Variants in DPYS observed in about 807,000 individuals in gnomAD.
DPYS encodes dihydropyrimidinase.
A neutral mutation model predicts 50.3 loss-of-function variants in DPYS; 39 were observed. The observed-to-expected ratio is 0.78, with a 90% CI of 0.60 to 1.01. The LOEUF (loss-of-function observed/expected upper bound fraction) is 1.01. Among genes scored for constraint, DPYS ranks in the 50% least tolerant of loss-of-function variants. DPYS has a pLI of 0.00. For synonymous variants in DPYS, 245 were observed against 250.7 expected (o/e 0.98, Z 0.22); for missense variants, 659 against 680.9 (o/e 0.97, Z 0.36).
chr8:104,406,862 T>C (rs1027593623), intron 7 of DPYS, among the ~76,000 whole-genome samples: 3 of 152,186 alleles, frequency 2.0e-5, no homozygotes, highest in Non-Finnish European at 2.9e-5. Context: ...GACATCCAAG[T>C]GGATCTACTT....
intron 1 of DPYS, among the ~76,000 whole-genome samples, chr8:104,451,812 G>A (rs1813752380): frequency 6.6e-6 from 1 of 152,128 alleles, no homozygotes; most frequent in African/African-American, 2.4e-5. Flanking sequence ...CTGCCCTGTG[G>A]TACTCTCAGA....
At chr8:104,410,427 C>T (rs1457986343) in intron 7 of DPYS, among the ~76,000 whole-genome samples, 1 of 152,100 alleles carries the variant, frequency 6.6e-6, no homozygotes, top group Non-Finnish European at 1.5e-5. Context: ...CCTAGGCCAA[C>T]ACCTTTGACC....
intron 8 of DPYS, among the ~76,000 whole-genome samples, chr8:104,384,990 C>G (rs1245449020): frequency 6.6e-6 from 1 of 152,174 alleles, no homozygotes; most frequent in East Asian, 1.9e-4. Flanking sequence ...TCTTAAGCCC[C>G]CTTTCTTCTC....
At chr8:104,464,529 T>C (rs1178127555) in intron 1 of DPYS, among the ~76,000 whole-genome samples, 1 of 152,222 alleles carries the variant, frequency 6.6e-6, no homozygotes, top group Non-Finnish European at 1.5e-5. Flanking sequence ...CTCCCCACCT[T>C]GCAGGTGGGA....
chr8:104,431,716 A>C (rs1226602221), intron 4 of DPYS, among the ~76,000 whole-genome samples: 1 of 152,164 alleles, frequency 6.6e-6, no homozygotes, highest in Non-Finnish European at 1.5e-5. Flanking sequence ...AAGGCTCCCA[A>C]ATACAATCTC....
At chr8:104,428,247 T>C in intron 5 of DPYS, 126 bp from the exon 6 acceptor site, 2 of 1,269,690 alleles carry the variant, frequency 1.6e-6, no homozygotes, top group Middle Eastern at 2.2e-4. Context: ...CAATGGAGAA[T>C]GAGCAGTTTT....
chr8:104,467,016 C>G lies in DPYS; in HGVS notation c.-96G>C. On this transcript the variant is annotated 5_prime_UTR_variant, in exon 1 of 10. Transcript: ENST00000351513. Reference sequence around the variant, plus strand: ...CTTGGGGTGCCCTCCTGCAAGGTCCCCACCGACAGCCCCCGAGCTCTGCCT... The same window carrying G: ...CTTGGGGTGCCCTCCTGCAAGGTCCGCACCGACAGCCCCCGAGCTCTGCCT... 2 of 1,313,448 alleles carry G rather than the reference C, an allele frequency of 1.5e-6. No homozygotes were observed. The highest frequency in any genetic ancestry group is 2.0e-6 in the Non-Finnish European group (2 of 1,023,996). 81.4% of individuals were successfully genotyped at this position (1,313,448 alleles called of 1,614,324 possible).
Position 104,382,805 on chromosome 8 carries a change from C to T in DPYS, c.1444-1491G>A, listed in dbSNP as rs181515613. Among the ~76,000 whole-genome samples the T allele has an allele frequency of 1.1e-3, 160 of 152,214 alleles. 1 individual carries two copies. The highest frequency in any genetic ancestry group is 3.6e-3 in the African/African-American group (150 of 41,518). On this transcript the variant is annotated intron_variant, in intron 8 of 9. Transcript: ENST00000351513. ...TCTTGGCATTCATACTCAGCAAAGCCGATGGTATATTTCAGTTCAATCTTC... is the reference window on the plus strand; with the variant it reads ...TCTTGGCATTCATACTCAGCAAAGCTGATGGTATATTTCAGTTCAATCTTC...
intron 1 of DPYS, among the ~76,000 whole-genome samples, chr8:104,456,311 A>G (rs1813924677): frequency 6.6e-6 from 1 of 152,212 alleles, no homozygotes. Flanking sequence ...TATAAATTAA[A>G]TAGACAGAGC....
At chr8:104,380,315 C>G (rs1481185912) in intron 9 of DPYS, among the ~76,000 whole-genome samples, 2 of 152,228 alleles carry the variant, frequency 1.3e-5, no homozygotes, top group East Asian at 3.8e-4. Context: ...ACACAAATGT[C>G]TAACCAGGTC....
intron 4 of DPYS, among the ~76,000 whole-genome samples, chr8:104,436,965 TC>T (rs1242453428): frequency 6.6e-6 from 1 of 152,210 alleles, no homozygotes; most frequent in Non-Finnish European, 1.5e-5. Context: ...AAGAACGTTT[TC>T]TTGGAAATAG....
intron 7 of DPYS, among the ~76,000 whole-genome samples, chr8:104,401,613 T>C (rs578076447): frequency 2.6e-5 from 4 of 152,324 alleles, no homozygotes; most frequent in South Asian, 4.1e-4. Flanking sequence ...TTGGTCTGTT[T>C]TCTGTTTAGC....
rs1035845963 is a variant in DPYS at position 104,447,318 on chromosome 8, G to A, written c.603+6C>T. 13 of 1,613,984 alleles carry A rather than the reference G, an allele frequency of 8.1e-6. No individual in the cohort carries two copies. The highest frequency in any genetic ancestry group is 1.6e-4 in the Middle Eastern group (1 of 6,062). ...TCTGTAGAAGCTTTGGAATGCAAAT[G>A]CGTACCTCTGCAATTAAGTCTCCAT... On this transcript the variant is annotated splice_donor_region_variant and intron_variant, in intron 3 of 9. Transcript: ENST00000351513.
chr8:104,402,313 G>A (rs192711131), intron 7 of DPYS, among the ~76,000 whole-genome samples: 176 of 152,246 alleles, frequency 1.2e-3, no homozygotes, highest in Admixed American at 4.6e-3. Flanking sequence ...TGTTCTATAC[G>A]GTAGTTTTTA....
At chr8:104,418,994 C>T in intron 7 of DPYS, 1 of 985,332 alleles carries the variant, frequency 1.0e-6, no homozygotes, top group Non-Finnish European at 1.2e-6. Flanking sequence ...ACAAAGGTGA[C>T]TCTTTTGGCT....
intron 4 of DPYS, among the ~76,000 whole-genome samples, chr8:104,437,450 C>T (rs1332463853): frequency 6.6e-6 from 1 of 152,090 alleles, no homozygotes; most frequent in Non-Finnish European, 1.5e-5. Flanking sequence ...AATGTATTAG[C>T]TAAAATATAT....
chr8:104,405,135 G>A (rs1277952862), intron 7 of DPYS, among the ~76,000 whole-genome samples: 2 of 152,214 alleles, frequency 1.3e-5, no homozygotes, highest in Admixed American at 1.3e-4. Flanking sequence ...ACGAATGACT[G>A]TCCCCACAGT....
At position 104,400,908 on chromosome 8, in the gene DPYS, T is replaced by G. The variant is rs184855503; in HGVS notation, c.1236-7917A>C. Among the ~76,000 whole-genome samples, 135 of 152,372 alleles carry G rather than the reference T, an allele frequency of 8.9e-4. 1 individual carries two copies. The highest frequency in any genetic ancestry group is 3.1e-3 in the African/African-American group (130 of 41,588). ...TTCTGTCCCTTTGCAAATAGCTTTC[T>G]GTCAAAGAGCCGCGTGCTCTTACAG... is the stretch of plus-strand genomic sequence containing the variant. On this transcript the variant is annotated intron_variant, in intron 7 of 9. Transcript: ENST00000351513.
At chr8:104,391,720 C>A (rs1004427008) in intron 8 of DPYS, among the ~76,000 whole-genome samples, 2 of 152,040 alleles carry the variant, frequency 1.3e-5, no homozygotes, top group African/African-American at 4.8e-5. Context: ...TATTGACCTC[C>A]TACCAACCTG....
Sources: allele counts gnomAD v4.1 joint callset (sites outside exome capture counted in the v4.1 genomes callset), GRCh38; gene constraint gnomAD v4.1.1; transcripts MANE v1.5; gene names NCBI Gene and HGNC (gene_info 2026-07-23, HGNC 2026-07-21).